The following LRMDA variants were observed in gnomAD, a reference collection of about 807,000 sequenced individuals.
The protein encoded by LRMDA is leucine rich melanocyte differentiation associated.
Under a neutral mutation model 29.8 loss-of-function variants are expected in LRMDA, and 18 were observed. That is an observed-to-expected ratio of 0.60 (90% CI 0.42 to 0.90). The LOEUF is 0.90. LRMDA is among the 40% of genes least tolerant of loss of function. The probability of loss-of-function intolerance (pLI) is 0.00; values close to 1 mark genes in which losing one functional copy is unlikely to be tolerated. For synonymous variants in LRMDA, 125 were observed against 109.4 expected (o/e 1.14, Z -0.89); for missense variants, 273 against 273.9 (o/e 1.00, Z 0.02).
intron 2 of LRMDA, among the ~76,000 whole-genome samples, chr10:75,681,687 T>C (rs1368027752): frequency 6.6e-6 from 1 of 152,156 alleles, no homozygotes; most frequent in African/African-American, 2.4e-5. Flanking sequence ...CGAAATTTCG[T>C]TGTCCTGAGC....
intron 5 of LRMDA, among the ~76,000 whole-genome samples, chr10:76,147,204 T>C (rs1339497362): frequency 6.6e-6 from 1 of 152,218 alleles, no homozygotes; most frequent in Non-Finnish European, 1.5e-5. Context: ...TGGCGTTCTC[T>C]GTATTTCCTG....
chr10:76,161,551 T>C (rs562700022), intron 5 of LRMDA, among the ~76,000 whole-genome samples: 12 of 152,344 alleles, frequency 7.9e-5, no homozygotes, highest in African/African-American at 2.6e-4. Context: ...TGGAGTCATC[T>C]TGGCAAATAC....
At chr10:76,061,484 T>C (rs1848700490) in intron 5 of LRMDA, among the ~76,000 whole-genome samples, 1 of 152,178 alleles carries the variant, frequency 6.6e-6, no homozygotes, top group Non-Finnish European at 1.5e-5. Flanking sequence ...AGTTTACCTA[T>C]GTAACCAACC....
chr10:76,087,327 C>T (rs149927814), intron 5 of LRMDA, among the ~76,000 whole-genome samples: 3 of 152,182 alleles, frequency 2.0e-5, no homozygotes, highest in Non-Finnish European at 4.4e-5. Flanking sequence ...ACTTGTTCTG[C>T]GACTTTCAGA....
chr10:76,330,506 G>A (rs1840891682), intron 6 of LRMDA, among the ~76,000 whole-genome samples: 1 of 152,134 alleles, frequency 6.6e-6, no homozygotes, highest in African/African-American at 2.4e-5. Context: ...GAGAGAGTGT[G>A]AATTTTCTAG....
At chr10:76,452,846 A>G (rs17381345) in intron 6 of LRMDA, among the ~76,000 whole-genome samples, 5,201 of 152,298 alleles carry the variant, frequency 0.034, 206 homozygotes, top group Admixed American at 0.11. Flanking sequence ...TCAAATAACC[A>G]CTACATGTGA....
At chr10:76,128,543 TG>T (rs1849928546) in intron 5 of LRMDA, among the ~76,000 whole-genome samples, 1 of 152,088 alleles carries the variant, frequency 6.6e-6, no homozygotes, top group Non-Finnish European at 1.5e-5. Flanking sequence ...GCTCAGTGAG[TG>T]AGGCCAGATG....
chr10:76,028,019 A>C (rs555931657), intron 2 of LRMDA, among the ~76,000 whole-genome samples: 1 of 152,288 alleles, frequency 6.6e-6, no homozygotes, highest in Admixed American at 6.5e-5. Flanking sequence ...CACATCTTTG[A>C]TATTTACTGA....
chr10:75,767,971 G>A (rs1411762644), intron 2 of LRMDA, among the ~76,000 whole-genome samples: 4 of 152,196 alleles, frequency 2.6e-5, no homozygotes, highest in African/African-American at 9.7e-5. Flanking sequence ...CTGTGGTGAT[G>A]CAGCCACAAG....
At chr10:75,988,509 A>G (rs1450423861) in intron 2 of LRMDA, among the ~76,000 whole-genome samples, 1 of 151,970 alleles carries the variant, frequency 6.6e-6, no homozygotes, top group African/African-American at 2.4e-5. Flanking sequence ...TTAGAAAAAC[A>G]TAAGACCACC....
rs756023731 is a variant in LRMDA, at chr10:76,077,992, A to ATTT, written c.516+19243_516+19245dup. Among the ~76,000 whole-genome samples, 130 of 48,078 alleles carry ATTT rather than the reference A, an allele frequency of 2.7e-3. 45 individuals carry two copies. The highest frequency in any genetic ancestry group is 5.5e-3 in the East Asian group (9 of 1,628). 31.5% of individuals were successfully genotyped at this position (48,078 alleles called of 152,430 possible). A position where few individuals can be genotyped will look rare whatever the true frequency, so the allele number is the denominator to read the frequency against. Reference sequence around the variant, plus strand: ...TCCTACCCCTAACTGCAATATTAACATTTTTTTTTTTTTTTTTTTTTTTTT... The same window carrying ATTT: ...TCCTACCCCTAACTGCAATATTAACATTTTTTTTTTTTTTTTTTTTTTTTTTTT... On this transcript the variant is annotated intron_variant, in intron 5 of 6. Coordinates refer to ENST00000611255, the MANE Select transcript of LRMDA (RefSeq NM_001305581.2).
chr10:75,603,018 A>G (rs75964381), intron 2 of LRMDA, among the ~76,000 whole-genome samples: 304 of 152,260 alleles, frequency 2.0e-3, no homozygotes, highest in African/African-American at 6.8e-3. Context: ...CCGCCCTGCT[A>G]TTTCAAATGT....
chr10:76,557,371 A>G lies in LRMDA; in HGVS notation c.*83A>G. Reference sequence around the variant, plus strand: ...AAAATAAAGAAAACGCTAAAGAAAAAACAATAGCCCACATTGCCTCTCTTT... The same window carrying G: ...AAAATAAAGAAAACGCTAAAGAAAAGACAATAGCCCACATTGCCTCTCTTT... On this transcript the variant is annotated 3_prime_UTR_variant, in exon 7 of 7. Transcript: ENST00000611255. 8.6e-7 allele frequency: 1 copy of G among 1,156,676 alleles called. No individual in the cohort carries two copies. Among genetic ancestry groups the G allele is most frequent in the Non-Finnish European group, 1.3e-6 (1 of 779,888 alleles). 71.7% of individuals were successfully genotyped at this position (1,156,676 alleles called of 1,614,324 possible).
At chr10:76,180,537 C>T (rs1016900993) in intron 5 of LRMDA, among the ~76,000 whole-genome samples, 1 of 151,992 alleles carries the variant, frequency 6.6e-6, no homozygotes, top group Non-Finnish European at 1.5e-5. Flanking sequence ...CCTCGGCCTC[C>T]CATAGTGCTG....
At chr10:75,928,068 A>G (rs1846149085) in intron 2 of LRMDA, among the ~76,000 whole-genome samples, 1 of 108,226 alleles carries the variant, frequency 9.2e-6, no homozygotes, top group Non-Finnish European at 2.4e-5. Context: ...CATCATCATC[A>G]TCATCATCAT....
At chr10:75,994,507 A>G (rs910650219) in intron 2 of LRMDA, among the ~76,000 whole-genome samples, 1 of 152,224 alleles carries the variant, frequency 6.6e-6, no homozygotes, top group Non-Finnish European at 1.5e-5. Context: ...GGCTACAGTC[A>G]GAAACCTGAC....
At chr10:76,408,695 T>C (rs1024432347) in intron 6 of LRMDA, among the ~76,000 whole-genome samples, 6 of 152,198 alleles carry the variant, frequency 3.9e-5, no homozygotes, top group African/African-American at 1.4e-4. Context: ...TTTTCCCTTT[T>C]GTTTTTCTGC....
At chr10:75,636,861 T>G (rs968745983) in intron 2 of LRMDA, among the ~76,000 whole-genome samples, 4 of 152,122 alleles carry the variant, frequency 2.6e-5, no homozygotes. Context: ...TTTTTTTAAC[T>G]TGTTTATTGG....
In LRMDA at chr10:75,749,075, C is replaced by A. The variant is rs573282778; in HGVS notation, c.132-286933C>A. The stretch of plus-strand genomic sequence containing the variant: ...CCCCTGAGACAACAAGACCAACCCC[C>A]ACTTCTTCCTTTTCCTTCTCAGCTT... On this transcript the variant is annotated intron_variant, in intron 2 of 6. Coordinates refer to ENST00000611255, the MANE Select transcript of LRMDA (RefSeq NM_001305581.2). 1.4e-4 allele frequency among the ~76,000 whole-genome samples: 21 copies of A among 152,188 alleles called. No homozygotes were observed. In the South Asian group the frequency reaches 4.4e-3, roughly 32 times the overall value.
Sources: allele counts gnomAD v4.1 joint callset (sites outside exome capture counted in the v4.1 genomes callset), GRCh38; gene constraint gnomAD v4.1.1; transcripts MANE v1.5; gene names NCBI Gene and HGNC (gene_info 2026-07-23, HGNC 2026-07-21).